Variants in SYTL4 observed in about 807,000 individuals in gnomAD.
SYTL4 encodes the protein synaptotagmin like 4.
In SYTL4, 16 loss-of-function variants were observed where a neutral mutation model predicts 52.7. That is an observed-to-expected ratio of 0.30 (90% CI 0.21 to 0.46). The LOEUF (loss-of-function observed/expected upper bound fraction) is 0.46, where lower values mean the gene tolerates loss of function less well. SYTL4 is among the 20% of genes least tolerant of loss of function. The pLI is 1.00. For synonymous variants in SYTL4, 160 were observed against 186.6 expected (o/e 0.86, Z 1.16); for missense variants, 423 against 519.9 (o/e 0.81, Z 1.81).
intron 8 of SYTL4, among the ~76,000 whole-genome samples, chrX:100,697,781 G>C (rs1458531960): frequency 1.8e-5 from 2 of 111,511 alleles, no homozygotes; most frequent in Non-Finnish European, 3.8e-5. Flanking sequence ...GGGGAAAAGG[G>C]GTAGGGGAGG....
At position 100,676,136 on chromosome X, in the gene SYTL4, A is replaced by G; in HGVS notation, c.1908T>C (p.Thr636=). The change falls in exon 20 of 20, where the codon ACT becomes ACC. Residue 636 remains threonine (T), a synonymous_variant. Coordinates refer to ENST00000372989, the MANE Select transcript of SYTL4 (RefSeq NM_001370165.1). ...TCTGCCACAGGCTCACTTCTTCCCC[A>G]GTCGAGTCCATCCAGTCCACCACTT... The part of the protein sequence containing the change: ...NGEVVDWMDS[T]GEEVSLWQKM... The G allele has an allele frequency of 8.3e-7, 1 of 1,211,046 alleles. No homozygotes were observed.
At chrX:100,701,762 A>G in intron 5 of SYTL4, 89 bp from the exon 6 acceptor site, 1 of 975,755 alleles carries the variant, frequency 1.0e-6, no homozygotes, top group Non-Finnish European at 1.4e-6. Flanking sequence ...CAGTAAGACT[A>G]TTTGGTTCTG....
At chrX:100,722,796 A>G (rs1476148213) in intron 2 of SYTL4, among the ~76,000 whole-genome samples, 2 of 111,711 alleles carry the variant, frequency 1.8e-5, no homozygotes, top group Non-Finnish European at 3.8e-5. Flanking sequence ...TCACTTCCTC[A>G]TCTCTCCAAT....
rs910247398 is a variant in SYTL4, at chrX:100,678,308, T to C, written c.1867+83A>G. The C allele has an allele frequency of 1.9e-5, 13 of 687,061 alleles. No individual in the cohort carries two copies. In the African/African-American group the frequency reaches 2.4e-4, roughly 13 times the overall value. 56.6% of individuals were successfully genotyped at this position (687,061 alleles called of 1,213,427 possible). On this transcript the variant is annotated intron_variant, in intron 19 of 19. Transcript: ENST00000372989. Reference sequence around the variant, plus strand: ...AGACAACTGTCATCACAGAGGAGCTTTGTGTTGGGGGGCGGGAATGGTAAT... The same window carrying C: ...AGACAACTGTCATCACAGAGGAGCTCTGTGTTGGGGGGCGGGAATGGTAAT...
intron 2 of SYTL4, among the ~76,000 whole-genome samples, chrX:100,724,067 C>T (rs1452300487): frequency 3.1e-5 from 3 of 97,547 alleles, no homozygotes; most frequent in East Asian, 3.5e-4. Context: ...AGGTGAGGGG[C>T]GCCTCTGCCC....
At chrX:100,725,940 T>C (rs2084507840) in intron 2 of SYTL4, among the ~76,000 whole-genome samples, 2 of 111,268 alleles carry the variant, frequency 1.8e-5, no homozygotes, top group South Asian at 7.6e-4. Flanking sequence ...AGAAGCAGTG[T>C]AGATGCCATG....
At chrX:100,723,208 G>A (rs912654010) in intron 2 of SYTL4, among the ~76,000 whole-genome samples, 5 of 111,770 alleles carry the variant, frequency 4.5e-5, no homozygotes, top group Admixed American at 9.4e-5. Flanking sequence ...TCGGCTCACT[G>A]CAACCTCCCT....
Position 100,681,287 on chromosome X carries a change from C to A in SYTL4, c.1498G>T (p.Val500Leu), listed in dbSNP as rs111659690. 1.2e-5 allele frequency: 14 copies of A among 1,209,565 alleles called. No individual in the cohort carries two copies. In the African/African-American group the frequency reaches 2.1e-4, roughly 18 times the overall value. ...TGLPSHKGEL[V>L]VSLKYIPASK... Reference sequence around the variant, plus strand: ...GCTGGGATGTATTTCAATGAAACCACCAACTCGCCTTTGTGTGATGGCAAG... The same window carrying A: ...GCTGGGATGTATTTCAATGAAACCAACAACTCGCCTTTGTGTGATGGCAAG... The change falls in exon 17 of 20, where the codon GTG becomes TTG. Residue 500 changes from valine (V) to leucine (L), a missense_variant. Transcript: ENST00000372989.
intron 8 of SYTL4, among the ~76,000 whole-genome samples, chrX:100,695,773 C>CCT (rs1373141471): frequency 8.9e-6 from 1 of 112,174 alleles, no homozygotes; most frequent in Non-Finnish European, 1.9e-5. Flanking sequence ...CAAATGTAGA[C>CCT]ATCTGCGAAA....
chrX:100,694,248 C>G (rs1286932210), intron 8 of SYTL4, among the ~76,000 whole-genome samples: 1 of 111,824 alleles, frequency 8.9e-6, no homozygotes, highest in Non-Finnish European at 1.9e-5. Flanking sequence ...ATCCTTCTTA[C>G]TTGGAGTAAA....
intron 16 of SYTL4, among the ~76,000 whole-genome samples, chrX:100,681,995 A>G (rs1455538607): frequency 8.9e-6 from 1 of 112,339 alleles, no homozygotes; most frequent in East Asian, 2.8e-4. Context: ...AGGCACTGTT[A>G]TAAGTACTTT....
At chrX:100,722,099 G>T (rs1197805630) in intron 2 of SYTL4, among the ~76,000 whole-genome samples, 2 of 111,563 alleles carry the variant, frequency 1.8e-5, no homozygotes, top group African/African-American at 6.5e-5. Context: ...ACCGCACCCA[G>T]CCAATTCTAT....
chrX:100,722,181 C>T (rs1373867346), intron 2 of SYTL4, among the ~76,000 whole-genome samples: 2 of 111,057 alleles, frequency 1.8e-5, no homozygotes, highest in Non-Finnish European at 3.8e-5. Flanking sequence ...TTTAAAAAAC[C>T]ATAGCTCTTC....
chrX:100,730,253 G>T (rs1320631769), intron 2 of SYTL4, among the ~76,000 whole-genome samples: 1 of 111,854 alleles, frequency 8.9e-6, no homozygotes, highest in Non-Finnish European at 1.9e-5. Context: ...TGTTGGAAAT[G>T]AAGTGGGTAA....
chrX:100,698,324 C>T (rs902038196), intron 8 of SYTL4, among the ~76,000 whole-genome samples: 5 of 111,169 alleles, frequency 4.5e-5, no homozygotes, highest in East Asian at 2.9e-4. Context: ...AGGATGGTCT[C>T]GATCTCCTGA....
chrX:100,710,925 T>C (rs899303863), intron 2 of SYTL4, among the ~76,000 whole-genome samples: 3 of 112,297 alleles, frequency 2.7e-5, no homozygotes, highest in Non-Finnish European at 5.6e-5. Context: ...GATTAGCCCA[T>C]GGTATGCCTG....
intron 2 of SYTL4, among the ~76,000 whole-genome samples, chrX:100,709,491 G>A (rs1245695935): frequency 8.9e-6 from 1 of 111,893 alleles, no homozygotes; most frequent in Non-Finnish European, 1.9e-5. Context: ...GACAGAGTGA[G>A]ACTCTGTGTC....
chrX:100,729,276 C>T (rs1045961106), intron 2 of SYTL4, among the ~76,000 whole-genome samples: 1 of 111,194 alleles, frequency 9.0e-6, no homozygotes, highest in Non-Finnish European at 1.9e-5. Context: ...TATTAGTATG[C>T]ACCTATGATG....
chrX:100,724,561 G>A (rs1228970054), intron 2 of SYTL4, among the ~76,000 whole-genome samples: 1 of 103,510 alleles, frequency 9.7e-6, no homozygotes, highest in Non-Finnish European at 2.0e-5. Flanking sequence ...CTGTTGATCT[G>A]TGACCTTGCC....
Sources: gnomAD v4.1 joint callset for allele counts (sites outside exome capture counted in the v4.1 genomes callset) on GRCh38, gnomAD v4.1.1 for gene constraint, MANE v1.5 for transcripts, NCBI Gene and HGNC (gene_info 2026-07-23, HGNC 2026-07-21) for gene names.